The following ATXN2 variants were observed in gnomAD, a reference collection of about 807,000 sequenced individuals.
ATXN2 encodes the protein ataxin 2, also known as ataxin-2.
Under a neutral mutation model 138.6 loss-of-function variants are expected in ATXN2, and 37 were observed. That is an observed-to-expected ratio of 0.27 (90% confidence interval 0.21 to 0.35). ATXN2 has a LOEUF of 0.35. Ranked by LOEUF, ATXN2 falls within the 10% of genes least tolerant of loss-of-function variation. The pLI, the probability that ATXN2 is intolerant of heterozygous loss-of-function variation, is 1.00. For synonymous variants in ATXN2, 549 were observed against 543.7 expected, an observed-to-expected ratio of 1.01 and a Z score of -0.13; for missense variants, 1,216 against 1,480.3, an observed-to-expected ratio of 0.82 and a Z score of 2.93.
In ATXN2 at chr12:111,598,457, G is replaced by T. The variant is rs111700112; in HGVS notation, c.251+327C>A. 6 of 985,476 alleles carry T rather than the reference G, an allele frequency of 6.1e-6. No homozygotes were observed. Among genetic ancestry groups the T allele is most frequent in the South Asian group, 4.7e-5 (1 of 21,290 alleles). The allele number at this position is 985,476 out of a possible 1,614,324, so 61.0% of individuals were successfully genotyped here. A position where few individuals can be genotyped will look rare whatever the true frequency, so the allele number is the denominator to read the frequency against. ...CTGCGGGCGGAGGATCGTGCGGAAG[G>T]GGGAGCCGGGGCTGACCATCGCCGC... On this transcript the variant is annotated intron_variant, in intron 1 of 24. Coordinates refer to ENST00000673436, the MANE Select transcript of ATXN2 (RefSeq NM_001372574.1). The surrounding 1 kb of genome is among the most constrained non-coding windows in gnomAD (Gnocchi z 4.5).
intron 14 of ATXN2, among the ~76,000 whole-genome samples, chr12:111,496,958 AC>A (rs1878455964): frequency 6.6e-6 from 1 of 152,204 alleles, no homozygotes. Flanking sequence ...AACAAAACTG[AC>A]AAACCTTTAG....
At chr12:111,470,990 G>A (rs558263013) in intron 18 of ATXN2, 1 of 481,692 alleles carries the variant, frequency 2.1e-6, no homozygotes, top group East Asian at 3.5e-5. Context: ...CAGCTTGAAA[G>A]CAACTTCCTC....
chr12:111,453,807 A>G lies in ATXN2; in HGVS notation c.3309T>C (p.Thr1103=). 6.2e-7 allele frequency: 1 copy of G among 1,613,964 alleles called. No homozygotes were observed. Among genetic ancestry groups the G allele is most frequent in the Non-Finnish European group, 8.5e-7 (1 of 1,179,924 alleles). Residue 1103 remains threonine (T), a synonymous_variant, in exon 24 of 25, where the codon ACT becomes ACC. Coordinates refer to ENST00000673436, the MANE Select transcript of ATXN2 (RefSeq NM_001372574.1). The surrounding 1 kb of genome is among the most constrained non-coding windows in gnomAD (Gnocchi z 5.4). ...VQSGMVPSHP[T]AHAPMMLMTT... is the part of the protein sequence containing the mutation. ...TCATTAGCATCATTGGCGCATGGGC[A>G]GTTGGATGAGAAGGAACCATTCCTG...
At chr12:111,470,508 AG>A in intron 19 of ATXN2, 49 bp downstream of exon 19, 12 of 1,585,012 alleles carry the variant, frequency 7.6e-6, no homozygotes, top group Non-Finnish European at 1.0e-5. Flanking sequence ...CCATATTAAA[AG>A]TTTTTTTATA....
rs776368642 is a variant in ATXN2, at chr12:111,470,674, C to G, written c.2593G>C (p.Ala865Pro). The G allele has an allele frequency of 1.2e-6, 2 of 1,614,144 alleles. No individual in the cohort carries two copies. Among genetic ancestry groups the G allele is most frequent in the African/African-American group, 2.7e-5 (2 of 75,008 alleles). Residue 865 changes from alanine (A) to proline (P), a missense_variant, in exon 19 of 25, where the codon GCG (alanine) becomes CCG (proline). This residue lies in a region of ATXN2 where 490 missense variants were observed against 653.5 expected (regional missense o/e 0.75). Transcript: ENST00000673436. ...GGGGTGGCTGCAATCGGTGGGCCCG[C>G]TGCTGACGCTGGGTGCATCATGGCA... is the stretch of plus-strand genomic sequence containing the variant. ...QSAMMHPASA[A>P]GPPIAATPPA... is the part of the protein sequence containing the mutation.
At chr12:111,527,767 C>G (rs1880579398) in intron 5 of ATXN2, among the ~76,000 whole-genome samples, 1 of 152,166 alleles carries the variant, frequency 6.6e-6, no homozygotes, top group South Asian at 2.1e-4. Context: ...TTCTAAGAGA[C>G]TAATGCTATC....
chr12:111,509,592 C>T lies in ATXN2; in HGVS notation c.1892G>A (p.Arg631Lys). 2.0e-6 allele frequency: 3 copies of T among 1,491,562 alleles called. No individual in the cohort carries two copies. The highest frequency in any genetic ancestry group is 2.8e-6 in the Non-Finnish European group (3 of 1,083,008). 92.4% of individuals were successfully genotyped at this position (1,491,562 alleles called of 1,614,324 possible). A position where few individuals can be genotyped will look rare whatever the true frequency, so the allele number is the denominator to read the frequency against. Residue 631 changes from arginine to lysine, a missense_variant, in exon 14 of 25, where the codon AGA becomes AAA. By Grantham distance (26) the Arg-to-Lys change is conservative (BLOSUM62 2). Coordinates refer to ENST00000673436, the MANE Select transcript of ATXN2 (RefSeq NM_001372574.1). ...TTTCTTTAAATCATCAATCTGTTTT[C>T]TATGTTCAGAAACAACTGGTGATAT... is the stretch of plus-strand genomic sequence containing the variant. Reference protein sequence around the residue: ...KGISPVVSEHRKQIDDLKKFK... With the variant: ...KGISPVVSEHKKQIDDLKKFK...
chr12:111,598,060 G>C lies in ATXN2; in HGVS notation c.251+724C>G, dbSNP rs1051203995. The C allele has an allele frequency of 6.9e-6, 8 of 1,159,242 alleles. No homozygotes were observed. In the Admixed American group the frequency reaches 1.5e-4, roughly 22 times the overall value. 71.8% of individuals were successfully genotyped at this position (1,159,242 alleles called of 1,614,324 possible). On this transcript the variant is annotated intron_variant, in intron 1 of 24. Transcript: ENST00000673436. This position sits in a 1 kb window ranked among gnomAD's most constrained non-coding sequence, Gnocchi z 4.5. ...CCCCACCCCTTCCCTTCCCCAGGTG[G>C]GGGAGGGTGGAACGCTGCCGGAGGC...
chr12:111,508,661 G>A (rs1879327319), intron 14 of ATXN2, among the ~76,000 whole-genome samples: 3 of 151,776 alleles, frequency 2.0e-5, no homozygotes, highest in African/African-American at 4.8e-5. Context: ...TGACCAGGCT[G>A]GTCTCGAACT....
chr12:111,561,393 A>T (rs1402825863), intron 1 of ATXN2, among the ~76,000 whole-genome samples: 2 of 151,650 alleles, frequency 1.3e-5, no homozygotes, highest in Non-Finnish European at 2.9e-5. Context: ...ATTCAGGAGG[A>T]GGTGGCTGAG....
At chr12:111,493,966 T>C (rs958264773) in intron 14 of ATXN2, among the ~76,000 whole-genome samples, 6 of 152,062 alleles carry the variant, frequency 3.9e-5, no homozygotes, top group Middle Eastern at 3.4e-3. Flanking sequence ...AGTCTTACTC[T>C]GTTGCCCAGA....
intron 14 of ATXN2, among the ~76,000 whole-genome samples, chr12:111,493,817 CAG>C (rs1878213842): frequency 1.3e-5 from 2 of 151,912 alleles, no homozygotes; most frequent in Middle Eastern, 3.4e-3. Flanking sequence ...TTAGTAGAGA[CAG>C]AGTTTCACCA....
chr12:111,543,568 G>C (rs1335049595), intron 5 of ATXN2, among the ~76,000 whole-genome samples: 1 of 151,934 alleles, frequency 6.6e-6, no homozygotes, highest in African/African-American at 2.4e-5. Context: ...CGAGTAGCTG[G>C]GATTAGAGGC....
At chr12:111,550,316 G>C (rs1882056224) in intron 5 of ATXN2, among the ~76,000 whole-genome samples, 1 of 152,048 alleles carries the variant, frequency 6.6e-6, no homozygotes, top group Non-Finnish European at 1.5e-5. Flanking sequence ...TTTTGAAGAG[G>C]AGCAAGGAAT....
At chr12:111,527,149 A>C (rs1366833775) in intron 5 of ATXN2, among the ~76,000 whole-genome samples, 3 of 152,208 alleles carry the variant, frequency 2.0e-5, no homozygotes, top group Admixed American at 6.5e-5. Flanking sequence ...ATAAAGGCCC[A>C]CTGGGCAATG....
intron 18 of ATXN2, among the ~76,000 whole-genome samples, chr12:111,482,034 T>C (rs1036616908): frequency 2.0e-5 from 3 of 152,230 alleles, no homozygotes. Context: ...AATCCAAATG[T>C]TCATCAACTG....
At chr12:111,592,761 C>T (rs12817142) in intron 1 of ATXN2, among the ~76,000 whole-genome samples, 29 of 83,798 alleles carry the variant, frequency 3.5e-4, no homozygotes, top group African/African-American at 1.2e-3. Context: ...CCAGCCTGGG[C>T]GACAGAGCAA....
intron 5 of ATXN2, among the ~76,000 whole-genome samples, chr12:111,528,190 T>C (rs912624192): frequency 1.1e-4 from 17 of 152,206 alleles, no homozygotes; most frequent in Non-Finnish European, 1.8e-4. Flanking sequence ...ACAATACTCT[T>C]TTGATTCAAG....
chr12:111,522,537 G>A (rs1435345626), intron 6 of ATXN2, among the ~76,000 whole-genome samples: 4 of 151,064 alleles, frequency 2.6e-5, no homozygotes, highest in East Asian at 3.9e-4. Flanking sequence ...GTGAACCCGG[G>A]AGGCAGAGCT....
Sources: allele counts gnomAD v4.1 joint callset (sites outside exome capture counted in the v4.1 genomes callset), GRCh38; gene constraint gnomAD v4.1.1; regional missense constraint gnomAD v4.1.1; non-coding constraint Gnocchi (gnomAD v3.1); transcripts MANE v1.5; gene names NCBI Gene and HGNC (gene_info 2026-07-23, HGNC 2026-07-21).